Variants in AMBRA1 observed in about 807,000 individuals in gnomAD.
AMBRA1 encodes activating molecule in BECN1-regulated autophagy protein 1.
AMBRA1 carries 47 observed loss-of-function variants against 125.4 expected under a neutral mutation model. That is an observed-to-expected ratio of 0.37 (90% confidence interval 0.30 to 0.48). AMBRA1 has a LOEUF of 0.48. Ranked by LOEUF, AMBRA1 falls within the 20% of genes least tolerant of loss-of-function variation. The pLI, the probability that AMBRA1 is intolerant of heterozygous loss-of-function variation, is 0.99. For missense variants in AMBRA1, 1,331 were observed against 1,693.4 expected, an observed-to-expected ratio of 0.79 and a Z score of 3.76; for synonymous variants, 626 against 655.5, an observed-to-expected ratio of 0.95 and a Z score of 0.69.
chr11:46,583,307 G>C (rs908985535), intron 1 of AMBRA1, among the ~76,000 whole-genome samples: 8 of 151,550 alleles, frequency 5.3e-5, no homozygotes, highest in African/African-American at 1.5e-4. Flanking sequence ...TATGTAGAAA[G>C]CTGAAACTGG....
chr11:46,457,790 T>C (rs1360883032), intron 11 of AMBRA1, among the ~76,000 whole-genome samples: 1 of 151,234 alleles, frequency 6.6e-6, no homozygotes. Flanking sequence ...TAATCCCAAC[T>C]ACTTAGAAGG....
chr11:46,460,643 C>T (rs1949058576), intron 11 of AMBRA1, among the ~76,000 whole-genome samples: 1 of 152,072 alleles, frequency 6.6e-6, no homozygotes, highest in Non-Finnish European at 1.5e-5. Context: ...TCTTAAAATA[C>T]AAAACAATAT....
At chr11:46,514,874 G>A (rs148220827) in intron 7 of AMBRA1, among the ~76,000 whole-genome samples, 2 of 152,300 alleles carry the variant, frequency 1.3e-5, no homozygotes, top group East Asian at 1.9e-4. Context: ...TAAGGGTAGT[G>A]AGAGATACAG....
chr11:46,409,451 G>A (rs952716898), intron 16 of AMBRA1, among the ~76,000 whole-genome samples: 5 of 152,170 alleles, frequency 3.3e-5, no homozygotes, highest in African/African-American at 1.2e-4. Flanking sequence ...GCCCGCCTCA[G>A]CCTCCCAAAG....
chr11:46,427,917 G>A (rs1271283085), intron 14 of AMBRA1, among the ~76,000 whole-genome samples: 1 of 150,806 alleles, frequency 6.6e-6, no homozygotes, highest in African/African-American at 2.4e-5. Flanking sequence ...GCTGAGGCAG[G>A]AGAATCACTT....
chr11:46,488,614 G>A (rs1028208224), intron 11 of AMBRA1, among the ~76,000 whole-genome samples: 5 of 151,786 alleles, frequency 3.3e-5, no homozygotes, highest in African/African-American at 1.2e-4. Context: ...AGATTTAACC[G>A]ACATCTACAG....
chr11:46,560,518 A>G (rs2043295994), intron 1 of AMBRA1, among the ~76,000 whole-genome samples: 1 of 152,188 alleles, frequency 6.6e-6, no homozygotes. Context: ...CGGAAATAGA[A>G]AGCAATAAGA....
rs538859919 is a variant in AMBRA1, at chr11:46,404,227, A to G, written c.3403+4286T>C. On this transcript the variant is annotated intron_variant, in intron 17 of 17. Coordinates refer to ENST00000683756, the MANE Select transcript of AMBRA1 (RefSeq NM_001387011.1). ...AAAATAAATAAATCTTGGTGCCTGT[A>G]GCAGGTGTGAGTACAGGTGGGATCT... is the stretch of plus-strand genomic sequence containing the variant. Among the ~76,000 whole-genome samples the G allele has an allele frequency of 4.6e-5, 7 of 152,316 alleles. No homozygotes were observed. The South Asian group carries it at 1.5e-3, about 32-fold the overall frequency.
At chr11:46,478,637 TTC>T (rs1232998980) in intron 11 of AMBRA1, among the ~76,000 whole-genome samples, 2 of 144,094 alleles carry the variant, frequency 1.4e-5, no homozygotes, top group Non-Finnish European at 3.0e-5. Flanking sequence ...TCTTGTTTTT[TTC>T]TTTTTTCTCT....
intron 1 of AMBRA1, among the ~76,000 whole-genome samples, chr11:46,593,034 G>A (rs2044663412): frequency 6.6e-6 from 1 of 151,892 alleles, no homozygotes; most frequent in African/African-American, 2.4e-5. Context: ...AGGTTATCAA[G>A]AAACAAAAAG....
At chr11:46,481,424 G>T (rs1314696319) in intron 11 of AMBRA1, among the ~76,000 whole-genome samples, 1 of 152,018 alleles carries the variant, frequency 6.6e-6, no homozygotes, top group Non-Finnish European at 1.5e-5. Context: ...TTTTGCTCTT[G>T]TTGAGCTCAG....
At chr11:46,546,794 G>A (rs961060860) in intron 4 of AMBRA1, among the ~76,000 whole-genome samples, 3 of 152,174 alleles carry the variant, frequency 2.0e-5, no homozygotes, top group African/African-American at 4.8e-5. Context: ...AAAGAAGCCG[G>A]GCATGGTGGC....
intron 11 of AMBRA1, among the ~76,000 whole-genome samples, chr11:46,459,426 CTTATAT>C (rs752178984): frequency 5.3e-5 from 8 of 152,060 alleles, no homozygotes; most frequent in East Asian, 3.8e-4. Flanking sequence ...GACACTGATA[CTTATAT>C]TTATAACAAC....
chr11:46,518,693 A>G (rs1448680712), intron 7 of AMBRA1, among the ~76,000 whole-genome samples: 3 of 152,180 alleles, frequency 2.0e-5, no homozygotes, highest in Non-Finnish European at 4.4e-5. Flanking sequence ...GCTTACATAG[A>G]ATTCTTTAAA....
At chr11:46,529,270 C>T (rs1048195217) in intron 7 of AMBRA1, among the ~76,000 whole-genome samples, 19 of 152,192 alleles carry the variant, frequency 1.2e-4, no homozygotes, top group African/African-American at 4.3e-4. Flanking sequence ...CACTAGTGAG[C>T]CTCATCCAGC....
At chr11:46,488,430 C>A (rs985137563) in intron 11 of AMBRA1, among the ~76,000 whole-genome samples, 1 of 150,876 alleles carries the variant, frequency 6.6e-6, no homozygotes, top group Non-Finnish European at 1.5e-5. Context: ...GGCAACAGAG[C>A]GAGGCTCTGT....
chr11:46,429,831 A>T (rs1014376405), intron 14 of AMBRA1, among the ~76,000 whole-genome samples: 1 of 152,110 alleles, frequency 6.6e-6, no homozygotes, highest in East Asian at 1.9e-4. Flanking sequence ...ATTCAGCAAA[A>T]CTTCAGCTCA....
intron 8 of AMBRA1, 31 bp from the exon 9 acceptor site, chr11:46,508,401 C>T: frequency 6.2e-7 from 1 of 1,604,576 alleles, no homozygotes; most frequent in Non-Finnish European, 8.5e-7. Context: ...CAAACACAAA[C>T]TAGCACTAAT....
intron 11 of AMBRA1, among the ~76,000 whole-genome samples, chr11:46,492,820 C>A (rs1785236286): frequency 6.6e-6 from 1 of 152,228 alleles, no homozygotes; most frequent in Admixed American, 6.5e-5. Flanking sequence ...GAGGCTGAGG[C>A]AGGCAGATCA....
Sources: gnomAD v4.1 joint callset for allele counts (sites outside exome capture counted in the v4.1 genomes callset) on GRCh38, gnomAD v4.1.1 for gene constraint, MANE v1.5 for transcripts, NCBI Gene and HGNC (gene_info 2026-07-23, HGNC 2026-07-21) for gene names.